SPTBN4: variants seen among roughly 807,000 people sequenced by gnomAD.
SPTBN4 encodes spectrin beta, non-erythrocytic 4.
Under a neutral mutation model 277.8 loss-of-function variants are expected in SPTBN4, and 96 were observed. The observed-to-expected ratio is 0.35, with a 90% CI of 0.29 to 0.41. The LOEUF (loss-of-function observed/expected upper bound fraction) is 0.41, where lower values mean the gene tolerates loss of function less well. SPTBN4 is among the 10% of genes least tolerant of loss of function. The pLI is 1.00. For missense variants in SPTBN4, 3,006 were observed against 3,595.7 expected, an observed-to-expected ratio of 0.84 and a Z score of 4.19; for synonymous variants, 1,481 against 1,580.3, an observed-to-expected ratio of 0.94 and a Z score of 1.49.
chr19:40,469,712 C>T (rs373328963), intron 1 of SPTBN4, among the ~76,000 whole-genome samples: 1 of 151,762 alleles, frequency 6.6e-6, no homozygotes, highest in African/African-American at 2.4e-5. Context: ...GGTGCGATCT[C>T]GGCTCACTGC....
chr19:40,513,080 G>A lies in SPTBN4; in HGVS notation c.2291G>A (p.Arg764Gln), dbSNP rs1414660213. The change falls in exon 14 of 36, where the codon CGG becomes CAG. Residue 764 changes from arginine to glutamine, a missense_variant. By Grantham distance (43) the Arg-to-Gln change is conservative. This residue lies in a region of SPTBN4 where 1,759 missense variants were observed against 2,061.5 expected (regional missense o/e 0.85). Transcript: ENST00000598249. ...RWQRLEEAAA[R>Q]RERRLQEARA... is the part of the protein sequence containing the mutation. The stretch of plus-strand genomic sequence containing the variant: ...CAGAGGCTGGAAGAGGCGGCGGCGC[G>A]GCGAGAGCGGCGGCTGCAGGAGGCG... 2.1e-6 allele frequency: 3 copies of A among 1,412,346 alleles called. No homozygotes were observed. The highest frequency in any genetic ancestry group is 3.1e-5 in the East Asian group (1 of 32,486). 87.5% of individuals were successfully genotyped at this position (1,412,346 alleles called of 1,614,324 possible).
rs544695151 is a variant in SPTBN4 at position 40,503,854 on chromosome 19, G to T, written c.1387G>T (p.Ala463Ser). The change falls in exon 12 of 36, where the codon GCA (alanine) becomes TCA (serine). Residue 463 changes from alanine (A) to serine (S), a missense_variant. Ala to Ser is a moderately conservative substitution (Grantham distance 99). This residue lies in a region of SPTBN4 where 1,759 missense variants were observed against 2,061.5 expected (regional missense o/e 0.85). Transcript: ENST00000598249. ...SQDNFGYELP[A>S]VEAAMKKHEA... ...GGACAACTTTGGGTATGAGCTGCCC[G>T]CAGTGGAGGCAGCCATGAAGAAACA... The T allele has an allele frequency of 1.9e-6, 3 of 1,597,546 alleles. No homozygotes were observed. The highest frequency in any genetic ancestry group is 1.7e-5 in the Admixed American group (1 of 59,430).
chr19:40,545,814 G>A (rs1599790183), intron 20 of SPTBN4, among the ~76,000 whole-genome samples: 1 of 152,144 alleles, frequency 6.6e-6, no homozygotes, highest in East Asian at 1.9e-4. Context: ...GGCCAAGGCA[G>A]GCAGATCACA....
intron 27 of SPTBN4, among the ~76,000 whole-genome samples, chr19:40,564,707 T>C (rs746150925): frequency 1.3e-5 from 2 of 151,480 alleles, no homozygotes; most frequent in Non-Finnish European, 2.9e-5. Context: ...TGTGATGGTG[T>C]GCACCTGTGG....
In SPTBN4 at chr19:40,497,490, C is replaced by G. The variant is rs780665830; in HGVS notation, c.670C>G (p.Pro224Ala). Residue 224 changes from proline to alanine, a missense_variant and splice_region_variant, in exon 7 of 36, where the codon CCT becomes GCT. Physicochemically the swap from Pro to Ala is conservative, Grantham distance 27. Transcript: ENST00000598249. ...AFNALIHRHRPDLVDFSKLTK... is the reference protein window; with the variant it reads ...AFNALIHRHRADLVDFSKLTK... The stretch of plus-strand genomic sequence containing the variant: ...TGCCTGCTCTGTGCCCCTGCCCAGG[C>G]CTGATCTCGTGGACTTCAGCAAACT... 7 of 1,613,086 alleles carry G rather than the reference C, an allele frequency of 4.3e-6. No homozygotes were observed. Among genetic ancestry groups the G allele is most frequent in the Non-Finnish European group, 5.1e-6 (6 of 1,179,204 alleles).
Position 40,493,067 on chromosome 19 carries a change from A to G in SPTBN4, c.587+13A>G, listed in dbSNP as rs775076729. 1 of 1,613,688 alleles carries G rather than the reference A, an allele frequency of 6.2e-7. No individual in the cohort carries two copies. The highest frequency in any genetic ancestry group is 1.7e-5 in the Admixed American group (1 of 59,992). On this transcript the variant is annotated intron_variant, in intron 5 of 35. Transcript: ENST00000598249. ...TGAAGACAGCTGGGTAAGCACCCCC[A>G]CCACCTTCCTTAGGAGGTTAGGCAA...
At position 40,560,033 on chromosome 19, in the gene SPTBN4, C is replaced by A. The variant is rs2081025429; in HGVS notation, c.5671-126C>A. 10 of 1,432,246 alleles carry A rather than the reference C, an allele frequency of 7.0e-6. No homozygotes were observed. Among genetic ancestry groups the A allele is most frequent in the Non-Finnish European group, 9.1e-6 (10 of 1,097,058 alleles). 88.7% of individuals were successfully genotyped at this position (1,432,246 alleles called of 1,614,324 possible). A position where few individuals can be genotyped will look rare whatever the true frequency, so the allele number is the denominator to read the frequency against. On this transcript the variant is annotated intron_variant, in intron 26 of 35. Coordinates refer to ENST00000598249, the MANE Select transcript of SPTBN4 (RefSeq NM_020971.3). This position sits in a 1 kb window ranked among gnomAD's most constrained non-coding sequence, Gnocchi z 5.2. ...AATCAGGCAGCAGATATGACAGGAGCCTGGCTGTGGGATCACAGTGTGAGG... is the reference window on the plus strand; with the variant it reads ...AATCAGGCAGCAGATATGACAGGAGACTGGCTGTGGGATCACAGTGTGAGG...
At chr19:40,567,621 G>A (rs1326467172) in intron 30 of SPTBN4, 42 bp from the exon 31 acceptor site, 6 of 505,826 alleles carry the variant, frequency 1.2e-5, no homozygotes, top group Non-Finnish European at 1.3e-5. Flanking sequence ...ACCCCGCCCC[G>A]GCCCCACGCC....
intron 27 of SPTBN4, among the ~76,000 whole-genome samples, chr19:40,563,764 C>T (rs932517386): frequency 1.2e-4 from 15 of 129,744 alleles, no homozygotes; most frequent in African/African-American, 3.9e-4. Flanking sequence ...TGAGGCCAGG[C>T]GCAGTGGCTC....
intron 25 of SPTBN4, 144 bp downstream of exon 25, chr19:40,556,432 C>A: frequency 1.4e-6 from 1 of 693,006 alleles, no homozygotes; most frequent in Non-Finnish European, 2.4e-6. Context: ...TAACGTAAAG[C>A]ACTGAGGACC....
chr19:40,529,275 G>A lies in SPTBN4; in HGVS notation c.3948+144G>A, dbSNP rs2080633586. ...TCTAAGCCGCCAGGGGGCGCGCGGA[G>A]CCGGGTCTCAGTGCGCATGCTCCGC... On this transcript the variant is annotated intron_variant, in intron 18 of 35. Transcript: ENST00000598249. The A allele has an allele frequency of 6.8e-6, 5 of 734,804 alleles. No homozygotes were observed. In the East Asian group the frequency reaches 8.7e-5, roughly 13 times the overall value. 45.5% of individuals were successfully genotyped at this position (734,804 alleles called of 1,614,324 possible). A position where few individuals can be genotyped will look rare whatever the true frequency, so the allele number is the denominator to read the frequency against.
chr19:40,495,077 C>A, intron 6 of SPTBN4, 100 bp downstream of exon 6: 1 of 1,070,484 alleles, frequency 9.3e-7, no homozygotes, highest in South Asian at 1.4e-5. Context: ...CACACACAGA[C>A]ATAAAGACCC....
At chr19:40,539,817 A>G (rs2080778535) in intron 20 of SPTBN4, among the ~76,000 whole-genome samples, 1 of 151,964 alleles carries the variant, frequency 6.6e-6, no homozygotes, top group Admixed American at 6.6e-5. Flanking sequence ...GGGCATAATG[A>G]TATTTCTGAC....
chr19:40,557,068 G>T lies in SPTBN4; in HGVS notation c.5335G>T (p.Ala1779Ser). Residue 1779 changes from alanine (A) to serine (S), a missense_variant, in exon 26 of 36, where the codon GCA becomes TCA. Around this residue, in one of 5 missense-constraint regions of SPTBN4, gnomAD observed 425 missense variants for 594.7 expected, o/e 0.71. Transcript: ENST00000598249. ...AGAGTTTGCCAGCGAGACAGGTATG[G>T]CAGGGCGGGAACGGCTGGCAGCTGT... ...FSEFASETGM[A>S]GRERLAAVNQ... 6.3e-7 allele frequency: 1 copy of T among 1,575,892 alleles called. No homozygotes were observed. The highest frequency in any genetic ancestry group is 8.7e-7 in the Non-Finnish European group (1 of 1,154,882).
chr19:40,511,266 G>C (rs1325936068), intron 13 of SPTBN4, among the ~76,000 whole-genome samples: 8 of 151,560 alleles, frequency 5.3e-5, no homozygotes, highest in Non-Finnish European at 1.0e-4. Context: ...AAATTAGCTG[G>C]ACATGGTGGC....
intron 2 of SPTBN4, among the ~76,000 whole-genome samples, chr19:40,480,156 C>G (rs769213974): frequency 9.4e-5 from 14 of 149,614 alleles, no homozygotes; most frequent in Non-Finnish European, 1.5e-4. Flanking sequence ...GAGGCTGAGG[C>G]AGGAGAATGG....
At chr19:40,539,632 A>G (rs2080775996) in intron 20 of SPTBN4, among the ~76,000 whole-genome samples, 1 of 152,018 alleles carries the variant, frequency 6.6e-6, no homozygotes, top group African/African-American at 2.4e-5. Context: ...GGCACCTGCC[A>G]CCACGCCTGG....
At chr19:40,540,176 C>T (rs556013392) in intron 20 of SPTBN4, among the ~76,000 whole-genome samples, 4 of 152,234 alleles carry the variant, frequency 2.6e-5, no homozygotes, top group African/African-American at 9.6e-5. Flanking sequence ...ATCCGCCCGC[C>T]TCGGCCTCCC....
At chr19:40,477,984 G>A (rs1175374191) in intron 2 of SPTBN4, among the ~76,000 whole-genome samples, 8 of 152,012 alleles carry the variant, frequency 5.3e-5, no homozygotes, top group Non-Finnish European at 7.4e-5. Context: ...GATTACAGGC[G>A]CCTGTCACCT....
Sources: allele counts gnomAD v4.1 joint callset (sites outside exome capture counted in the v4.1 genomes callset), GRCh38; gene constraint gnomAD v4.1.1; regional missense constraint gnomAD v4.1.1; non-coding constraint Gnocchi (gnomAD v3.1); transcripts MANE v1.5; gene names NCBI Gene and HGNC (gene_info 2026-07-23, HGNC 2026-07-21).